Variants in NLGN1 observed in about 807,000 individuals in gnomAD.
The protein encoded by NLGN1 is neuroligin-1.
A neutral mutation model predicts 65.5 loss-of-function variants in NLGN1; 12 were observed. The ratio of observed to expected loss-of-function variants is 0.18; its 90% CI spans 0.12 to 0.30. The LOEUF (loss-of-function observed/expected upper bound fraction) is 0.30. Ranked by LOEUF, NLGN1 falls within the 10% of genes least tolerant of loss-of-function variation. The probability of loss-of-function intolerance (pLI) is 1.00; values close to 1 mark genes in which losing one functional copy is unlikely to be tolerated. For synonymous variants in NLGN1, 350 were observed against 359.5 expected (o/e 0.97, Z 0.30); for missense variants, 750 against 1,007.1 (o/e 0.74, Z 3.46).
chr3:173,994,254 T>G (rs1182389274), intron 4 of NLGN1, among the ~76,000 whole-genome samples: 1 of 151,320 alleles, frequency 6.6e-6, no homozygotes. Flanking sequence ...ACTACAAGAG[T>G]GCACCACCAT....
At chr3:173,639,372 A>G (rs1280215828) in intron 3 of NLGN1, among the ~76,000 whole-genome samples, 4 of 152,128 alleles carry the variant, frequency 2.6e-5, no homozygotes. Context: ...GTCTGGCAGC[A>G]AGCAAGCTGT....
chr3:173,526,974 ACTTT>A (rs1419740744), intron 2 of NLGN1, among the ~76,000 whole-genome samples: 5 of 152,184 alleles, frequency 3.3e-5, no homozygotes, highest in African/African-American at 4.8e-5. Flanking sequence ...TATGTACCAC[ACTTT>A]CTTTATCCAT....
At chr3:173,486,439 A>C (rs1287424048) in intron 2 of NLGN1, among the ~76,000 whole-genome samples, 7 of 152,190 alleles carry the variant, frequency 4.6e-5, no homozygotes, top group Non-Finnish European at 1.0e-4. Context: ...AGTTCATGGC[A>C]CAAAAAACGC....
intron 4 of NLGN1, among the ~76,000 whole-genome samples, chr3:173,986,996 A>T (rs187827632): frequency 6.6e-6 from 1 of 152,346 alleles, no homozygotes; most frequent in Admixed American, 6.5e-5. Flanking sequence ...ACTGGAAGAA[A>T]TTACAAATAT....
chr3:173,565,668 G>A (rs1201133260), intron 2 of NLGN1, among the ~76,000 whole-genome samples: 1 of 152,106 alleles, frequency 6.6e-6, no homozygotes, highest in East Asian at 1.9e-4. Context: ...AAAAGCAGCA[G>A]CTCCAGACAT....
chr3:174,108,521 GA>G (rs138242939), intron 4 of NLGN1, among the ~76,000 whole-genome samples: 1 of 151,510 alleles, frequency 6.6e-6, no homozygotes. Context: ...AAGAGGTGAA[GA>G]AAAAAAATTA....
intron 4 of NLGN1, among the ~76,000 whole-genome samples, chr3:174,212,324 G>T (rs1736826957): frequency 6.6e-6 from 1 of 152,192 alleles, no homozygotes; most frequent in Admixed American, 6.5e-5. Flanking sequence ...CAAGCGCCGT[G>T]CGCAGCCCGG....
intron 3 of NLGN1, among the ~76,000 whole-genome samples, chr3:173,686,882 G>A (rs1439985544): frequency 1.3e-5 from 2 of 152,130 alleles, no homozygotes; most frequent in African/African-American, 4.8e-5. Flanking sequence ...GAACCCGGCA[G>A]GTGGAGATTG....
chr3:173,603,857 G>A (rs986185972), intron 2 of NLGN1, among the ~76,000 whole-genome samples: 1 of 152,054 alleles, frequency 6.6e-6, no homozygotes, highest in African/African-American at 2.4e-5. Flanking sequence ...TACAGAGTTT[G>A]TATCTGTTCT....
At chr3:174,015,399 G>T (rs976384378) in intron 4 of NLGN1, among the ~76,000 whole-genome samples, 2 of 152,108 alleles carry the variant, frequency 1.3e-5, no homozygotes, top group Non-Finnish European at 2.9e-5. Context: ...CTGCCTTCTA[G>T]CTATGTCCCC....
At chr3:173,611,535 T>A (rs1485455475) in intron 3 of NLGN1, among the ~76,000 whole-genome samples, 2 of 152,058 alleles carry the variant, frequency 1.3e-5, no homozygotes, top group East Asian at 3.9e-4. Context: ...AACGCCTAGT[T>A]CACTTAGAGT....
At chr3:173,834,719 C>T (rs1240248548) in intron 4 of NLGN1, among the ~76,000 whole-genome samples, 1 of 152,136 alleles carries the variant, frequency 6.6e-6, no homozygotes, top group African/African-American at 2.4e-5. Context: ...AGTTAAGCAA[C>T]TTACATATGG....
At chr3:174,127,354 G>A (rs7627730) in intron 4 of NLGN1, among the ~76,000 whole-genome samples, 42,227 of 151,828 alleles carry the variant, frequency 0.28, 7,932 homozygotes, top group African/African-American at 0.55. Flanking sequence ...TTTAAGCATT[G>A]TAAGGACATA....
At chr3:173,468,766 A>C (rs1576837549) in intron 2 of NLGN1, among the ~76,000 whole-genome samples, 1 of 152,236 alleles carries the variant, frequency 6.6e-6, no homozygotes, top group East Asian at 1.9e-4. Flanking sequence ...ACTTTTAAAA[A>C]ATAGCACATC....
At chr3:173,886,854 A>G (rs1734429574) in intron 4 of NLGN1, among the ~76,000 whole-genome samples, 1 of 152,012 alleles carries the variant, frequency 6.6e-6, no homozygotes, top group Non-Finnish European at 1.5e-5. Context: ...TGTCTTTGTA[A>G]TCACTCCATA....
chr3:174,229,344 C>G (rs537412614), intron 4 of NLGN1, among the ~76,000 whole-genome samples: 74 of 152,160 alleles, frequency 4.9e-4, no homozygotes, highest in African/African-American at 1.7e-3. Context: ...TCAGTTTCCT[C>G]ATATGAAAAT....
At chr3:174,101,392 G>A (rs1055770978) in intron 4 of NLGN1, among the ~76,000 whole-genome samples, 9 of 152,164 alleles carry the variant, frequency 5.9e-5, no homozygotes, top group Non-Finnish European at 8.8e-5. Flanking sequence ...AACTGGAACA[G>A]TAGCTTTCAG....
intron 4 of NLGN1, among the ~76,000 whole-genome samples, chr3:174,069,882 T>C (rs1739442375): frequency 6.6e-6 from 1 of 152,228 alleles, no homozygotes; most frequent in Non-Finnish European, 1.5e-5. Flanking sequence ...CCTGACTACT[T>C]GTGTGAACTG....
intron 2 of NLGN1, among the ~76,000 whole-genome samples, chr3:173,492,953 G>T (rs1478562038): frequency 2.0e-5 from 3 of 151,638 alleles, no homozygotes; most frequent in Non-Finnish European, 4.4e-5. Context: ...CTGGATATTC[G>T]AGTCTATCCT....
Sources: gnomAD v4.1 joint callset for allele counts (sites outside exome capture counted in the v4.1 genomes callset) on GRCh38, gnomAD v4.1.1 for gene constraint, MANE v1.5 for transcripts, NCBI Gene and HGNC (gene_info 2026-07-23, HGNC 2026-07-21) for gene names.